Variants in ZNF177 observed in about 807,000 individuals in gnomAD.
The protein encoded by ZNF177 is zinc finger protein 177.
ZNF177 carries 17 observed loss-of-function variants against 19.4 expected under a neutral mutation model. The observed-to-expected ratio is 0.87, with a 90% CI of 0.60 to 1.31. The LOEUF is 1.31. ZNF177 is among the 40% of genes most tolerant of loss of function. ZNF177 has a pLI of 0.00. For missense variants in ZNF177, 633 were observed against 561.8 expected (o/e 1.13, Z -1.28); for synonymous variants, 220 against 188.7 (o/e 1.17, Z -1.36).
downstream of ZNF177, chr19:9,382,472 G>A: frequency 2.5e-6 from 1 of 398,566 alleles, no homozygotes; most frequent in Non-Finnish European, 4.4e-6. Context: ...CACTAATCCT[G>A]TGCTGCTTAT....
At chr19:9,379,725 C>G (rs2068163368) in intron 4 of ZNF177, 106 bp downstream of exon 6, 1 of 1,328,122 alleles carries the variant, frequency 7.5e-7, no homozygotes, top group Admixed American at 2.6e-5. Flanking sequence ...ACATGAGCTT[C>G]CTTCCTGTTT....
chr19:9,363,350 C>A (rs1157718832), intron 1 of ZNF177: 2 of 152,224 alleles, frequency 1.3e-5, no homozygotes, highest in Non-Finnish European at 2.9e-5. Flanking sequence ...CTTTCTGTAC[C>A]CTTCTCTTTA....
At chr19:9,367,683 AT>A (rs892699575) in intron 2 of ZNF177, among the ~76,000 whole-genome samples, 4 of 152,322 alleles carry the variant, frequency 2.6e-5, no homozygotes, top group African/African-American at 9.6e-5. Context: ...CTCAAAGAAT[AT>A]TCTTCCTTTT....
chr19:9,369,950 A>G (rs2068027109), intron 2 of ZNF177, among the ~76,000 whole-genome samples: 1 of 152,104 alleles, frequency 6.6e-6, no homozygotes, highest in South Asian at 2.1e-4. Context: ...TATTATTACC[A>G]TTTTATATAA....
Position 9,379,666 on chromosome 19 carries a change from G to A in ZNF177, c.253+47G>A, listed in dbSNP as rs377101199. The A allele has an allele frequency of 1.9e-6, 3 of 1,590,610 alleles. No homozygotes were observed. The Admixed American group carries it at 5.4e-5, about 29-fold the overall frequency. ...GTGCAGCCTTGGCCAGTGAGGGTTAGTACATTTGGGAATGTCACTCAGTGA... is the reference window on the plus strand; with the variant it reads ...GTGCAGCCTTGGCCAGTGAGGGTTAATACATTTGGGAATGTCACTCAGTGA... On this transcript the variant is annotated intron_variant, in intron 4 of 5. Transcript: ENST00000589262.
exon 6 of ZNF177, chr19:9,381,614 A>G: frequency 6.2e-7 from 1 of 1,614,196 alleles, no homozygotes; most frequent in South Asian, 1.1e-5. Flanking sequence ...GAGTGTAAAG[A>G]ATGTGGGAAG....
chr19:9,378,252 C>G lies in ZNF177; in HGVS notation c.-53-7C>G. On this transcript the variant is annotated splice_polypyrimidine_tract_variant and splice_region_variant and intron_variant, in intron 1 of 5. Transcript: ENST00000589262. ...TAGACTCTAATGGCTTCTGTGTTCT[C>G]CTCTAGCTCTGCCTGCTTAGGACTC... is the stretch of plus-strand genomic sequence containing the variant. 1 of 1,608,760 alleles carries G rather than the reference C, an allele frequency of 6.2e-7. No individual in the cohort carries two copies. Among genetic ancestry groups the G allele is most frequent in the Non-Finnish European group, 8.5e-7 (1 of 1,177,652 alleles).
chr19:9,378,309 AG>A, exon 2 of ZNF177: 1 of 1,613,746 alleles, frequency 6.2e-7, no homozygotes, highest in Non-Finnish European at 8.5e-7. Flanking sequence ...TACAGGAGGA[AG>A]AATGGCTGCA....
At chr19:9,379,793 C>T (rs1806328686) in intron 4 of ZNF177, 174 bp downstream of exon 6, 2 of 863,992 alleles carry the variant, frequency 2.3e-6, no homozygotes, top group South Asian at 3.9e-5. Flanking sequence ...AGTTTTAATT[C>T]CTCTTTAAAT....
intron 1 of ZNF177, among the ~76,000 whole-genome samples, chr19:9,377,447 T>C (rs1374378609): frequency 6.6e-6 from 1 of 152,162 alleles, no homozygotes. Flanking sequence ...ATTGTCACCA[T>C]AGGAGATGTC....
chr19:9,381,069 C>T (rs2068191674), exon 6 of ZNF177: 2 of 1,609,106 alleles, frequency 1.2e-6, no homozygotes, highest in Admixed American at 1.7e-5. Flanking sequence ...TTAGTGTCCA[C>T]ACAAAAACTG....
exon 6 of ZNF177, chr19:9,381,473 C>T: frequency 6.2e-7 from 1 of 1,611,818 alleles, no homozygotes; most frequent in Non-Finnish European, 8.5e-7. Flanking sequence ...ATCGATCAGT[C>T]ATCCCTTAAG....
intron 1 of ZNF177, among the ~76,000 whole-genome samples, chr19:9,377,280 C>T (rs1187037537): frequency 6.6e-6 from 1 of 152,062 alleles, no homozygotes; most frequent in Non-Finnish European, 1.5e-5. Context: ...ATATACAGTA[C>T]ATAATAATGA....
intron 2 of ZNF177, among the ~76,000 whole-genome samples, chr19:9,365,408 G>A (rs1237125950): frequency 6.6e-6 from 1 of 151,792 alleles, no homozygotes; most frequent in Admixed American, 6.6e-5. Context: ...CAGAGAGAAG[G>A]GACCGGGGGG....
chr19:9,371,565 G>A (rs1291648576), upstream of ZNF177: 1 of 152,098 alleles, frequency 6.6e-6, no homozygotes, highest in African/African-American at 2.4e-5. Flanking sequence ...GACGTCCATT[G>A]TTGCTGTTGA....
chr19:9,380,897 C>T, exon 6 of ZNF177: 1 of 1,536,140 alleles, frequency 6.5e-7, no homozygotes, highest in African/African-American at 1.4e-5. Context: ...AATCAAGAGT[C>T]ATCCCTCAGG....
intron 1 of ZNF177, among the ~76,000 whole-genome samples, chr19:9,377,288 T>C (rs907812509): frequency 2.6e-5 from 4 of 152,172 alleles, no homozygotes; most frequent in African/African-American, 9.7e-5. Flanking sequence ...TACATAATAA[T>C]GAATAGTAAT....
At chr19:9,380,024 C>G (rs1359877954) in intron 4 of ZNF177, 33 bp from the exon 7 acceptor site, 1 of 1,598,474 alleles carries the variant, frequency 6.3e-7, no homozygotes, top group African/African-American at 1.4e-5. Flanking sequence ...ACCTTTTCTC[C>G]CAATAATTAT....
At chr19:9,374,482 T>G (rs924910416), upstream of ZNF177, among the ~76,000 whole-genome samples, 1 of 152,152 alleles carries the variant, frequency 6.6e-6, no homozygotes, top group African/African-American at 2.4e-5. Context: ...TAGTGTGACA[T>G]TTGACAATAT....
Sources: allele counts gnomAD v4.1 joint callset (sites outside exome capture counted in the v4.1 genomes callset), GRCh38; gene constraint gnomAD v4.1.1; transcripts MANE v1.5; gene names NCBI Gene and HGNC (gene_info 2026-07-23, HGNC 2026-07-21).